JMJD1C: variants seen among roughly 807,000 people sequenced by gnomAD.
JMJD1C encodes the protein jumonji domain containing 1C.
Under a neutral mutation model 245.3 loss-of-function variants are expected in JMJD1C, and 31 were observed. The ratio of observed to expected loss-of-function variants is 0.13; its 90% CI spans 0.09 to 0.17. The LOEUF (loss-of-function observed/expected upper bound fraction) is 0.17, where lower values mean the gene tolerates loss of function less well. Ranked by LOEUF, JMJD1C falls within the 10% of genes least tolerant of loss-of-function variation. JMJD1C has a pLI of 1.00. For synonymous variants in JMJD1C, 1,057 were observed against 1,017.4 expected (o/e 1.04, Z -0.74); for missense variants, 2,691 against 3,000.2 (o/e 0.90, Z 2.41).
chr10:63,508,238 T>C (rs1954780091), intron 1 of JMJD1C, among the ~76,000 whole-genome samples: 1 of 152,242 alleles, frequency 6.6e-6, no homozygotes, highest in South Asian at 2.1e-4. Context: ...GAAAATATTA[T>C]ATCTTTTTTC....
intron 1 of JMJD1C, among the ~76,000 whole-genome samples, chr10:63,417,636 G>A (rs145943966): frequency 1.7e-3 from 261 of 152,158 alleles, no homozygotes; most frequent in Middle Eastern, 3.4e-3. Flanking sequence ...AAAATATGGT[G>A]AAACTGACTA....
At chr10:63,277,085 G>GT (rs1392337946) in intron 2 of JMJD1C, among the ~76,000 whole-genome samples, 2 of 151,600 alleles carry the variant, frequency 1.3e-5, no homozygotes, top group Non-Finnish European at 2.9e-5. Flanking sequence ...GTTTCACCGT[G>GT]TTAGCCAGGA....
chr10:63,323,401 T>A (rs184441154), intron 2 of JMJD1C, among the ~76,000 whole-genome samples: 52 of 147,554 alleles, frequency 3.5e-4, no homozygotes, highest in African/African-American at 1.2e-3. Flanking sequence ...GCACCTGGAA[T>A]CCCAGCAACT....
intron 1 of JMJD1C, among the ~76,000 whole-genome samples, chr10:63,442,331 G>C (rs978039236): frequency 6.6e-6 from 1 of 152,108 alleles, no homozygotes; most frequent in Non-Finnish European, 1.5e-5. Flanking sequence ...TTACAATGCA[G>C]TTTAAAGTAT....
intron 1 of JMJD1C, among the ~76,000 whole-genome samples, chr10:63,420,229 G>T (rs971789859): frequency 1.3e-5 from 2 of 151,704 alleles, no homozygotes; most frequent in Non-Finnish European, 2.9e-5. Context: ...ACAAGTACAT[G>T]AGAAAATAAG....
At chr10:63,482,651 AAG>A (rs3083162) in intron 1 of JMJD1C, among the ~76,000 whole-genome samples, 2 of 151,832 alleles carry the variant, frequency 1.3e-5, no homozygotes, top group African/African-American at 2.4e-5. Context: ...AAAGAAAAAA[AAG>A]AGAGAGAGAG....
chr10:63,333,183 T>C (rs748211665), intron 2 of JMJD1C, among the ~76,000 whole-genome samples: 1 of 152,194 alleles, frequency 6.6e-6, no homozygotes, highest in Non-Finnish European at 1.5e-5. Flanking sequence ...TTAAAAGGCA[T>C]GATACAAAAT....
intron 1 of JMJD1C, among the ~76,000 whole-genome samples, chr10:63,498,535 A>C (rs1473803117): frequency 6.6e-6 from 1 of 152,170 alleles, no homozygotes; most frequent in Non-Finnish European, 1.5e-5. Context: ...TCATCACTTT[A>C]AATATCATTA....
intron 3 of JMJD1C, among the ~76,000 whole-genome samples, chr10:63,228,610 A>C (rs898721144): frequency 2.0e-5 from 3 of 152,202 alleles, no homozygotes. Context: ...AAAAACAACA[A>C]AACAGAACAA....
intron 2 of JMJD1C, among the ~76,000 whole-genome samples, chr10:63,291,625 A>C (rs1435145248): frequency 6.6e-6 from 1 of 151,364 alleles, no homozygotes; most frequent in Admixed American, 6.6e-5. Context: ...AAAAAAAAAA[A>C]AAAACCGGAA....
chr10:63,479,097 T>G (rs1953750651), intron 1 of JMJD1C, among the ~76,000 whole-genome samples: 1 of 152,230 alleles, frequency 6.6e-6, no homozygotes, highest in South Asian at 2.1e-4. Context: ...CCCAATTTTC[T>G]TTCTATGTAG....
At chr10:63,379,025 T>C (rs529082968) in intron 2 of JMJD1C, among the ~76,000 whole-genome samples, 1 of 152,222 alleles carries the variant, frequency 6.6e-6, no homozygotes, top group East Asian at 1.9e-4. Flanking sequence ...CTCTCTTCCC[T>C]CCCTTCCTAT....
At position 63,208,185 on chromosome 10, in the gene JMJD1C, T is replaced by C. The variant is rs756696542; in HGVS notation, c.3484A>G (p.Lys1162Glu). 1.2e-6 allele frequency: 2 copies of C among 1,613,470 alleles called. No homozygotes were observed. The highest frequency in any genetic ancestry group is 2.2e-5 in the South Asian group (2 of 91,080). ...HQPESEGLVG[K>E]IPEHLPHQIA... is the part of the protein sequence containing the mutation. ...TGATGTGGAAGATGTTCTGGTATCT[T>C]GCCTACTAAACCTTCACTTTCTGGT... Residue 1162 changes from lysine (K) to glutamate (E), a missense_variant, in exon 10 of 26, where the codon AAG becomes GAG. This residue lies in a region of JMJD1C where 1,562 missense variants were observed against 1,490.7 expected (regional missense o/e 1.05). Transcript: ENST00000399262.
chr10:63,487,451 T>G, intron 1 of JMJD1C, among the ~76,000 whole-genome samples: 1 of 152,204 alleles, frequency 6.6e-6, no homozygotes, highest in Non-Finnish European at 1.5e-5. Context: ...ATGCAGTGGA[T>G]AGAGGCTAGG....
At chr10:63,301,392 C>T (rs186948310) in intron 2 of JMJD1C, among the ~76,000 whole-genome samples, 2 of 152,318 alleles carry the variant, frequency 1.3e-5, no homozygotes, top group East Asian at 3.9e-4. Context: ...TACCCTTTTA[C>T]TCTAGGAAGT....
At chr10:63,267,390 T>A (rs1855719830) in intron 2 of JMJD1C, among the ~76,000 whole-genome samples, 1 of 152,156 alleles carries the variant, frequency 6.6e-6, no homozygotes. Flanking sequence ...AAAGGAACAT[T>A]ATAAGTTTAA....
chr10:63,232,776 C>T (rs935926450), intron 3 of JMJD1C, among the ~76,000 whole-genome samples: 19 of 152,076 alleles, frequency 1.2e-4, no homozygotes, highest in African/African-American at 4.1e-4. Context: ...ATTTTATGTA[C>T]AAAGTTCTAT....
intron 24 of JMJD1C, among the ~76,000 whole-genome samples, chr10:63,173,549 C>G (rs1419213377): frequency 6.6e-6 from 1 of 151,980 alleles, no homozygotes; most frequent in African/African-American, 2.4e-5. Context: ...CAGCAAGACC[C>G]CATCTCCACA....
chr10:63,291,511 A>T (rs1858712816), intron 2 of JMJD1C, among the ~76,000 whole-genome samples: 1 of 150,402 alleles, frequency 6.6e-6, no homozygotes, highest in African/African-American at 2.4e-5. Context: ...GCTACTTGGG[A>T]GGCTGACGCA....
Sources: gnomAD v4.1 joint callset for allele counts (sites outside exome capture counted in the v4.1 genomes callset) on GRCh38, gnomAD v4.1.1 for gene constraint, gnomAD v4.1.1 regional missense constraint, MANE v1.5 for transcripts, NCBI Gene and HGNC (gene_info 2026-07-23, HGNC 2026-07-21) for gene names.